ABCB6: variants seen among roughly 807,000 people sequenced by gnomAD.
ABCB6 encodes the protein ATP binding cassette subfamily B member 6 (LAN blood group), also known as ATP-binding cassette sub-family B member 6.
A neutral mutation model predicts 99.4 loss-of-function variants in ABCB6; 87 were observed. The observed-to-expected ratio is 0.88, with a 90% CI of 0.74 to 1.05. The LOEUF is 1.05. Ranked by LOEUF, ABCB6 falls within the 50% of genes least tolerant of loss-of-function variation. The pLI is 0.00. For synonymous variants in ABCB6, 482 were observed against 447.5 expected (o/e 1.08, Z -0.97); for missense variants, 1,050 against 1,097.9 (o/e 0.96, Z 0.62).
rs1950605041 is a variant in ABCB6, at chr2:219,213,651, G to A, written c.1594C>T (p.Leu532Phe). Residue 532 changes from leucine (L) to phenylalanine (F), a missense_variant, in exon 10 of 19, where the codon CTC becomes TTC. Physicochemically the swap from Leu to Phe is conservative, Grantham distance 22 (BLOSUM62 0). Transcript: ENST00000265316. ...AGCTGGATAATGTAGGTGCCAAAGA[G>A]CACATAGTCCCCAACCTGTGGCAAT... ...EQKLQVGDYV[L>F]FGTYIIQLYM... is the part of the protein sequence containing the mutation. The A allele has an allele frequency of 6.2e-7, 1 of 1,614,074 alleles. No individual in the cohort carries two copies. The highest frequency in any genetic ancestry group is 8.5e-7 in the Non-Finnish European group (1 of 1,180,056).
chr2:219,216,929 A>T lies in ABCB6; in HGVS notation c.688-97T>A. On this transcript the variant is annotated intron_variant, in intron 2 of 18. Transcript: ENST00000265316. The surrounding 1 kb of genome is among the most constrained non-coding windows in gnomAD (Gnocchi z 4.2). ...AAAAACCTATGGGGTTACAGCTCCC[A>T]GGTATCTCAGACCCACAAGTGATCC... 4.5e-6 allele frequency: 5 copies of T among 1,111,716 alleles called. No individual in the cohort carries two copies. Among genetic ancestry groups the T allele is most frequent in the Non-Finnish European group, 6.2e-6 (5 of 800,014 alleles). 68.9% of individuals were successfully genotyped at this position (1,111,716 alleles called of 1,614,324 possible). A position where few individuals can be genotyped will look rare whatever the true frequency, so the allele number is the denominator to read the frequency against.
In ABCB6 at chr2:219,213,516, C is replaced by T. The variant is rs1251068845; in HGVS notation, c.1656-14G>A. Reference sequence around the variant, plus strand: ...GTCTGGATCATCCTGCAAAAAGGTGCTGGTTAGGACTTCTCTGAGTAGCCA... The same window carrying T: ...GTCTGGATCATCCTGCAAAAAGGTGTTGGTTAGGACTTCTCTGAGTAGCCA... On this transcript the variant is annotated splice_polypyrimidine_tract_variant and intron_variant, in intron 10 of 18. Transcript: ENST00000265316. 6.2e-7 allele frequency: 1 copy of T among 1,614,066 alleles called. No individual in the cohort carries two copies. The highest frequency in any genetic ancestry group is 1.3e-5 in the African/African-American group (1 of 74,934).
At position 219,210,817 on chromosome 2, in the gene ABCB6, C is replaced by T. The variant is rs1374902107; in HGVS notation, c.2150G>A (p.Arg717Lys). ...CAGTCCCCGCTCGCCCACCTGTGTC[C>T]TGTACCCTGTGGATATTACCCACCA... ...DAIMAFPEGY[R>K]TQVGERGLKL... The change falls in exon 16 of 19, where the codon AGG becomes AAG. Residue 717 changes from arginine to lysine, a missense_variant. Coordinates refer to ENST00000265316, the MANE Select transcript of ABCB6 (RefSeq NM_005689.4). 1.2e-6 allele frequency: 2 copies of T among 1,613,926 alleles called. No homozygotes were observed. Among genetic ancestry groups the T allele is most frequent in the Non-Finnish European group, 1.7e-6 (2 of 1,179,970 alleles).
intron 14 of ABCB6, 34 bp downstream of exon 14, chr2:219,212,353 C>T (rs145805379): frequency 7.6e-6 from 12 of 1,583,080 alleles, no homozygotes; most frequent in South Asian, 1.1e-5. Context: ...ACACGTAGAC[C>T]CCTAAACCAC....
Position 219,218,719 on chromosome 2 carries a change from G to C in ABCB6, c.-46C>G. On this transcript the variant is annotated 5_prime_UTR_variant, in exon 1 of 19. Coordinates refer to ENST00000265316, the MANE Select transcript of ABCB6 (RefSeq NM_005689.4). ...CGAGGCTGCGGGCACTGCGGGACCG[G>C]AGGCCGGGACTGGTCACTCGGAGAG... The C allele has an allele frequency of 6.6e-7, 1 of 1,503,786 alleles. No individual in the cohort carries two copies. Among genetic ancestry groups the C allele is most frequent in the Admixed American group, 2.2e-5 (1 of 44,536 alleles). The allele number at this position is 1,503,786 out of a possible 1,614,324, so 93.2% of individuals were successfully genotyped here.
rs1950672915 is a variant in ABCB6, at chr2:219,218,304, G to A, written c.370C>T (p.Leu124=). The change falls in exon 1 of 19, where the codon CTG becomes TTG. Residue 124 remains leucine (L), a synonymous_variant. Transcript: ENST00000265316. ...ESLAGACGLW[L]LVVERSQARQ... is the part of the protein sequence containing the mutation. The stretch of plus-strand genomic sequence containing the variant: ...GCCTGGCTCCGCTCCACGACAAGCA[G>A]CCACAGGCCACAGGCGCCGGCCAGA... The A allele has an allele frequency of 6.2e-7, 1 of 1,613,150 alleles. No individual in the cohort carries two copies. The highest frequency in any genetic ancestry group is 8.5e-7 in the Non-Finnish European group (1 of 1,180,048).
chr2:219,216,829 GA>G lies in ABCB6; in HGVS notation c.690del (p.Arg231GlyfsTer19), dbSNP rs1380275788. On this transcript the variant is annotated frameshift_variant and splice_region_variant, in exon 3 of 19. Coordinates refer to ENST00000265316, the MANE Select transcript of ABCB6 (RefSeq NM_005689.4). LOFTEE classifies it high-confidence loss of function. The surrounding 1 kb of genome is among the most constrained non-coding windows in gnomAD (Gnocchi z 4.2). ...EEDQDVERSQ[V>X]RSAAQQSTWR... ...CAGGTAGACTGTTGGGCTGCTGACC[GA>G]ACCTAGGATGGTGAAACACGTAGGA... The G allele has an allele frequency of 1.2e-6, 2 of 1,611,072 alleles. No individual in the cohort carries two copies. The highest frequency in any genetic ancestry group is 1.7e-6 in the Non-Finnish European group (2 of 1,179,038).
rs370947094 is a variant in ABCB6 at position 219,213,000 on chromosome 2, C to G, written c.1863+8G>C. Reference sequence around the variant, plus strand: ...GCATCTGGGCCAAGTGGCTGGGTCTCCTCTCACCAGGGCAAGTGTCTGTCC... The same window carrying G: ...GCATCTGGGCCAAGTGGCTGGGTCTGCTCTCACCAGGGCAAGTGTCTGTCC... On this transcript the variant is annotated splice_region_variant and intron_variant, in intron 13 of 18. Coordinates refer to ENST00000265316, the MANE Select transcript of ABCB6 (RefSeq NM_005689.4). The G allele has an allele frequency of 2.4e-4, 393 of 1,613,858 alleles. 4 individuals are homozygous for G. In the South Asian group the frequency reaches 2.8e-3, roughly 12 times the overall value.
chr2:219,211,620 C>A lies in ABCB6; in HGVS notation c.1969-512G>T, dbSNP rs1185595068. The stretch of plus-strand genomic sequence containing the variant: ...CACCTGGCTACAGAATATCGTTGTA[C>A]CTTTTTTTTTTTTTTTTTTTTGTTT... On this transcript the variant is annotated intron_variant, in intron 14 of 18. Transcript: ENST00000265316. 6.0e-5 allele frequency among the ~76,000 whole-genome samples: 5 copies of A among 83,964 alleles called. No individual in the cohort carries two copies. In the East Asian group the frequency reaches 1.9e-3, roughly 32 times the overall value. 55.1% of individuals were successfully genotyped at this position (83,964 alleles called of 152,430 possible).
At position 219,217,706 on chromosome 2, in the gene ABCB6, C is replaced by T. The variant is rs1559238830; in HGVS notation, c.651G>A (p.Gln217=). 2 of 1,613,516 alleles carry T rather than the reference C, an allele frequency of 1.2e-6. No individual in the cohort carries two copies. Among genetic ancestry groups the T allele is most frequent in the Non-Finnish European group, 8.5e-7 (1 of 1,179,788 alleles). Residue 217 remains glutamine (Q), a synonymous_variant, in exon 2 of 19, where the codon CAG becomes CAA. Coordinates refer to ENST00000265316, the MANE Select transcript of ABCB6 (RefSeq NM_005689.4). ...CCACATCTTGGTCCTCTTCATGAAC[C>T]TGCAATGTATAGGACTGGGGACGAA... ...PGLRPQSYTL[Q]VHEEDQDVER...
At chr2:219,210,208 T>G (rs1174177153) in intron 18 of ABCB6, 22 bp downstream of exon 18, 1 of 1,614,108 alleles carries the variant, frequency 6.2e-7, no homozygotes, top group Non-Finnish European at 8.5e-7. Flanking sequence ...AGACCTGTCC[T>G]TTTGATCTAT....
rs1030539749 is a variant in ABCB6 at position 219,212,904 on chromosome 2, C to T, written c.1863+104G>A. 6.7e-5 allele frequency: 87 copies of T among 1,301,576 alleles called. No individual in the cohort carries two copies. The African/African-American group carries it at 9.1e-4, about 14-fold the overall frequency. 80.6% of individuals were successfully genotyped at this position (1,301,576 alleles called of 1,614,324 possible). A position where few individuals can be genotyped will look rare whatever the true frequency, so the allele number is the denominator to read the frequency against. ...TGCACCATTCAATCCGGTTGCCTATCGTGACTGGGCTCTCTGACTCCACAG... is the reference window on the plus strand; with the variant it reads ...TGCACCATTCAATCCGGTTGCCTATTGTGACTGGGCTCTCTGACTCCACAG... On this transcript the variant is annotated intron_variant, in intron 13 of 18. Coordinates refer to ENST00000265316, the MANE Select transcript of ABCB6 (RefSeq NM_005689.4).
In ABCB6 at chr2:219,217,751, C is replaced by G. The variant is rs750146718; in HGVS notation, c.606G>C (p.Leu202=). The change falls in exon 2 of 19, where the codon CTG becomes CTC. Residue 202 remains leucine (L), a synonymous_variant. Coordinates refer to ENST00000265316, the MANE Select transcript of ABCB6 (RefSeq NM_005689.4). ...GACGAAGTCCAGGGGCCCAGAGACC[C>G]AGGACAAACAGCCCTCCAGAGACCA... The part of the protein sequence containing the change: ...RYVVSGGLFV[L]GLWAPGLRPQ... 1 of 1,613,954 alleles carries G rather than the reference C, an allele frequency of 6.2e-7. No homozygotes were observed. The highest frequency in any genetic ancestry group is 8.5e-7 in the Non-Finnish European group (1 of 1,180,004).
Position 219,216,004 on chromosome 2 carries a change from G to T in ABCB6, c.1147C>A (p.Leu383Met). Residue 383 changes from leucine (L) to methionine (M), a missense_variant, in exon 5 of 19, where the codon CTG (leucine) becomes ATG (methionine). Physicochemically the swap from Leu to Met is conservative, Grantham distance 15. Transcript: ENST00000265316. The surrounding 1 kb of genome is among the most constrained non-coding windows in gnomAD (Gnocchi z 4.2). ...TTTCCACTGGGGCGGCACCTGAGCA[G>T]CCCTGTGACACTGGATGTGCCCCGA... ...ADRGTSSVTG[L>M]LSYLVFNVIP... The T allele has an allele frequency of 6.3e-7, 1 of 1,580,344 alleles. No individual in the cohort carries two copies. Among genetic ancestry groups the T allele is most frequent in the South Asian group, 1.1e-5 (1 of 87,664 alleles).
intron 6 of ABCB6, 120 bp downstream of exon 6, chr2:219,214,841 C>T: frequency 8.5e-7 from 1 of 1,182,508 alleles, no homozygotes; most frequent in East Asian, 2.4e-5. Flanking sequence ...GCACTAGGAG[C>T]CCATTCAAGT....
rs564440321 is a variant in ABCB6, at chr2:219,216,731, C to G, written c.789G>C (p.Leu263=). ...LWPRGSPALQ[L]VVLICLGLMG... is the part of the protein sequence containing the mutation. ...TGAGCCCCAGGCAGATGAGCACCAC[C>G]AGCTGCAGAGCTGGACTCCCTCGAG... Residue 263 remains leucine (L), a synonymous_variant, in exon 3 of 19, where the codon CTG becomes CTC. Coordinates refer to ENST00000265316, the MANE Select transcript of ABCB6 (RefSeq NM_005689.4). This position sits in a 1 kb window ranked among gnomAD's most constrained non-coding sequence, Gnocchi z 4.2. The G allele has an allele frequency of 6.2e-7, 1 of 1,606,940 alleles. No homozygotes were observed.
intron 16 of ABCB6, 113 bp downstream of exon 16, chr2:219,210,598 T>G (rs1466693978): frequency 1.7e-5 from 27 of 1,590,996 alleles, no homozygotes; most frequent in Non-Finnish European, 2.2e-5. Flanking sequence ...AACTGGAAAG[T>G]GTGTTTTGTG....
At position 219,216,061 on chromosome 2, in the gene ABCB6, G is replaced by A. The variant is rs769981173; in HGVS notation, c.1090C>T (p.Arg364Cys). Residue 364 changes from arginine (R) to cysteine (C), a missense_variant, in exon 5 of 19, where the codon CGC (arginine) becomes TGC (cysteine). By Grantham distance (180) the Arg-to-Cys change is radical. Coordinates refer to ENST00000265316, the MANE Select transcript of ABCB6 (RefSeq NM_005689.4). This position sits in a 1 kb window ranked among gnomAD's most constrained non-coding sequence, Gnocchi z 4.2. Reference sequence around the variant, plus strand: ...ATCCGCAGCACCTCCCCTGTGCGGCGCCCCAGGTGCCAGCGCAGTGAGAGC... The same window carrying A: ...ATCCGCAGCACCTCCCCTGTGCGGCACCCCAGGTGCCAGCGCAGTGAGAGC... Reference protein sequence around the residue: ...HELSLRWHLGRRTGEVLRIAD... With the variant: ...HELSLRWHLGCRTGEVLRIAD... 7.5e-6 allele frequency: 12 copies of A among 1,605,792 alleles called. No individual in the cohort carries two copies. Among genetic ancestry groups the A allele is most frequent in the East Asian group, 6.7e-5 (3 of 44,618 alleles).
chr2:219,212,339 C>T, intron 14 of ABCB6, 48 bp downstream of exon 14: 8 of 1,524,290 alleles, frequency 5.2e-6, no homozygotes, highest in Non-Finnish European at 6.4e-6. Flanking sequence ...CTTATCATTC[C>T]TCCACACGTA....
Sources: gnomAD v4.1 joint callset for allele counts (sites outside exome capture counted in the v4.1 genomes callset) on GRCh38, gnomAD v4.1.1 for gene constraint, Gnocchi (gnomAD v3.1) non-coding constraint, MANE v1.5 for transcripts, NCBI Gene and HGNC (gene_info 2026-07-23, HGNC 2026-07-21) for gene names.